Variants in MAP2K4 observed in about 807,000 individuals in gnomAD.
MAP2K4 encodes the protein mitogen-activated protein kinase kinase 4, also known as dual specificity mitogen-activated protein kinase kinase 4.
In MAP2K4, 4 loss-of-function variants were observed where a neutral mutation model predicts 48.5. That is an observed-to-expected ratio of 0.08 (90% confidence interval 0.04 to 0.19). The LOEUF (loss-of-function observed/expected upper bound fraction) is 0.19. Ranked by LOEUF, MAP2K4 falls within the 10% of genes least tolerant of loss-of-function variation. The probability of loss-of-function intolerance (pLI) is 1.00; values close to 1 mark genes in which losing one functional copy is unlikely to be tolerated. For missense variants in MAP2K4, 258 were observed against 493.3 expected (o/e 0.52, Z 4.52); for synonymous variants, 166 against 173.1 (o/e 0.96, Z 0.32).
chr17:12,032,324 T>C lies in MAP2K4; in HGVS notation c.115+11323T>C. On this transcript the variant is annotated intron_variant, in intron 1 of 10. Coordinates refer to ENST00000353533, the MANE Select transcript of MAP2K4 (RefSeq NM_003010.4). ...GTAAGCTACAAATTTTATGATATTA[T>C]GCTATTTATTTTTTTCATATCCATC... The C allele has an allele frequency of 4.0e-6, 5 of 1,258,018 alleles. No individual in the cohort carries two copies. In the South Asian group the frequency reaches 1.0e-4, roughly 25 times the overall value. 77.9% of individuals were successfully genotyped at this position (1,258,018 alleles called of 1,614,324 possible).
At chr17:12,076,279 C>CTGTGTGTGTGTGTGTGTGTGTGTG (rs372806903) in intron 2 of MAP2K4, among the ~76,000 whole-genome samples, 3 of 135,252 alleles carry the variant, frequency 2.2e-5, no homozygotes, top group African/African-American at 8.3e-5. Flanking sequence ...TGTCACAGTT[C>CTGTGTGTGTGTGTGTGTGTGTGTG]TGTGTGTGTG....
At chr17:12,041,212 A>G (rs568033135) in intron 1 of MAP2K4, among the ~76,000 whole-genome samples, 1 of 152,332 alleles carries the variant, frequency 6.6e-6, no homozygotes, top group South Asian at 2.1e-4. Flanking sequence ...TTCACGTGTT[A>G]ATATTTTTGA....
At chr17:12,060,728 G>GGGGT (rs71367376) in intron 2 of MAP2K4, among the ~76,000 whole-genome samples, 88 of 150,312 alleles carry the variant, frequency 5.9e-4, no homozygotes, top group Middle Eastern at 3.5e-3. Flanking sequence ...AATACTATGG[G>GGGGT]GTGTGTGTGT....
chr17:12,094,441 C>T (rs1399434004), intron 3 of MAP2K4, among the ~76,000 whole-genome samples: 1 of 152,166 alleles, frequency 6.6e-6, no homozygotes, highest in Non-Finnish European at 1.5e-5. Flanking sequence ...TGACTGCCTT[C>T]ATCCCTTTCA....
In MAP2K4 at chr17:12,029,533, T is replaced by C. The variant is rs1220704146; in HGVS notation, c.115+8532T>C. 3.3e-5 allele frequency among the ~76,000 whole-genome samples: 5 copies of C among 152,256 alleles called. No individual in the cohort carries two copies. The East Asian group carries it at 9.7e-4, about 29-fold the overall frequency. ...AAAGTGAGGCACACACGACTTAAAA[T>C]GTAACCAGTTAACTATCAACAGGTT... On this transcript the variant is annotated intron_variant, in intron 1 of 10. Transcript: ENST00000353533.
Position 12,069,925 on chromosome 17 carries a change from A to ATATATATATATATG in MAP2K4, c.219-11418_219-11417insGTATATATATATAT, listed in dbSNP as rs1970741259. 8.1e-5 allele frequency: 8 copies of ATATATATATATATG among 98,582 alleles called. 1 individual carries two copies. Among genetic ancestry groups the ATATATATATATATG allele is most frequent in the African/African-American group, 3.9e-4 (8 of 20,528 alleles). The allele number at this position is 98,582 out of a possible 1,614,324, so 6.1% of individuals were successfully genotyped here. A position where few individuals can be genotyped will look rare whatever the true frequency, so the allele number is the denominator to read the frequency against. On this transcript the variant is annotated intron_variant, in intron 2 of 10. Transcript: ENST00000353533. ...TATATATATATATATATATATATATATATATATATATATATATATATATAT... is the reference window on the plus strand; with the variant it reads ...TATATATATATATATATATATATATATATATATATATATGTATATATATATATATATATATATAT...
At chr17:12,054,173 G>C (rs1450660335) in intron 1 of MAP2K4, among the ~76,000 whole-genome samples, 2 of 152,150 alleles carry the variant, frequency 1.3e-5, no homozygotes, top group Non-Finnish European at 2.9e-5. Flanking sequence ...AAAGTCTGCA[G>C]TAGTTAGTAA....
At chr17:12,113,800 C>T (rs1972387046) in intron 7 of MAP2K4, among the ~76,000 whole-genome samples, 1 of 152,098 alleles carries the variant, frequency 6.6e-6, no homozygotes, top group Non-Finnish European at 1.5e-5. Flanking sequence ...AGCACACCAA[C>T]AAATGCAAAG....
chr17:12,095,862 C>T (rs1353172645), intron 4 of MAP2K4, among the ~76,000 whole-genome samples, 168 bp downstream of exon 4: 4 of 149,628 alleles, frequency 2.7e-5, no homozygotes, highest in Non-Finnish European at 5.9e-5. Flanking sequence ...ACTCTTTTTG[C>T]GGTGGTGGGT....
At chr17:12,074,660 A>G (rs376904094) in intron 2 of MAP2K4, among the ~76,000 whole-genome samples, 29 of 152,080 alleles carry the variant, frequency 1.9e-4, no homozygotes, top group African/African-American at 6.5e-4. Context: ...CCCTCTGCAT[A>G]TCGGTGGGGT....
intron 7 of MAP2K4, among the ~76,000 whole-genome samples, chr17:12,116,251 TA>T (rs887507556): frequency 7.2e-5 from 11 of 152,150 alleles, no homozygotes; most frequent in African/African-American, 2.4e-4. Flanking sequence ...AAATATGGTA[TA>T]AAAAATAAAG....
At chr17:12,038,148 AGTAGAAAT>A (rs2151514334) in intron 1 of MAP2K4, among the ~76,000 whole-genome samples, 1 of 152,308 alleles carries the variant, frequency 6.6e-6, no homozygotes, top group South Asian at 2.1e-4. Context: ...ACAGATACAG[AGTAGAAAT>A]GATATGGAAC....
chr17:12,062,522 G>A (rs1435190468), intron 2 of MAP2K4, among the ~76,000 whole-genome samples: 4 of 152,028 alleles, frequency 2.6e-5, no homozygotes, highest in Non-Finnish European at 1.5e-5. Context: ...ATTTTGTAGA[G>A]GACAGGGTCT....
intron 8 of MAP2K4, among the ~76,000 whole-genome samples, chr17:12,126,765 T>A (rs1972867420): frequency 1.3e-5 from 2 of 152,192 alleles, no homozygotes; most frequent in Admixed American, 6.5e-5. Context: ...TTTACCAAAT[T>A]TTGTTTTGAA....
Position 12,020,880 on chromosome 17 carries a change from C to A in MAP2K4, c.-7C>A, listed in dbSNP as rs1969004875. The A allele has an allele frequency of 8.4e-7, 1 of 1,187,730 alleles. No homozygotes were observed. The highest frequency in any genetic ancestry group is 1.0e-6 in the Non-Finnish European group (1 of 954,058). 73.6% of individuals were successfully genotyped at this position (1,187,730 alleles called of 1,614,324 possible). ...CCGCGGCGCCGCTCGGCTCTTCACT[C>A]CCAACAATGGCGGCTCCGAGCCCGA... is the stretch of plus-strand genomic sequence containing the variant. On this transcript the variant is annotated 5_prime_UTR_variant, in exon 1 of 11. Coordinates refer to ENST00000353533, the MANE Select transcript of MAP2K4 (RefSeq NM_003010.4).
intron 10 of MAP2K4, among the ~76,000 whole-genome samples, chr17:12,140,601 T>TC (rs1973346922): frequency 6.6e-6 from 1 of 152,122 alleles, no homozygotes; most frequent in Non-Finnish European, 1.5e-5. Context: ...GGGAAGAAGC[T>TC]CCTGGGGCAA....
chr17:12,036,462 C>T (rs1969601623), intron 1 of MAP2K4: 2 of 152,154 alleles, frequency 1.3e-5, no homozygotes, highest in Admixed American at 6.5e-5. Context: ...CTTTATAAAA[C>T]CATTTTTTCA....
intron 4 of MAP2K4, among the ~76,000 whole-genome samples, chr17:12,103,780 T>G (rs976537837): frequency 6.6e-6 from 1 of 152,162 alleles, no homozygotes; most frequent in Non-Finnish European, 1.5e-5. Flanking sequence ...ATTGTACATT[T>G]TATTCAACAT....
chr17:12,024,458 A>AT (rs950958162), intron 1 of MAP2K4, among the ~76,000 whole-genome samples: 86 of 150,714 alleles, frequency 5.7e-4, no homozygotes, highest in Non-Finnish European at 8.4e-4. Context: ...ATTCTGACTC[A>AT]TTTTTTTTTC....
Sources: allele counts gnomAD v4.1 joint callset (sites outside exome capture counted in the v4.1 genomes callset), GRCh38; gene constraint gnomAD v4.1.1; transcripts MANE v1.5; gene names NCBI Gene and HGNC (gene_info 2026-07-23, HGNC 2026-07-21).